Variants in EPHA3 observed in about 807,000 individuals in gnomAD.
The protein encoded by EPHA3 is ephrin type-A receptor 3.
Under a neutral mutation model 107.1 loss-of-function variants are expected in EPHA3, and 42 were observed. The ratio of observed to expected loss-of-function variants is 0.39; its 90% CI spans 0.31 to 0.51. EPHA3 has a LOEUF of 0.51. Ranked by LOEUF, EPHA3 falls within the 20% of genes least tolerant of loss-of-function variation. EPHA3 has a pLI of 0.78. For missense variants in EPHA3, 1,183 were observed against 1,211.2 expected (o/e 0.98, Z 0.35); for synonymous variants, 461 against 424.8 (o/e 1.09, Z -1.05).
intron 5 of EPHA3, among the ~76,000 whole-genome samples, chr3:89,351,074 G>C (rs1707802913): frequency 6.6e-6 from 1 of 151,334 alleles, no homozygotes; most frequent in Non-Finnish European, 1.5e-5. Flanking sequence ...CTTTTTGTTT[G>C]TCTTTGCCCT....
chr3:89,343,942 G>T lies in EPHA3; in HGVS notation c.1306+1852G>T, dbSNP rs538760002. Among the ~76,000 whole-genome samples the T allele has an allele frequency of 7.9e-5, 12 of 152,086 alleles. No homozygotes were observed. In the East Asian group the frequency reaches 2.3e-3, roughly 29 times the overall value. Reference sequence around the variant, plus strand: ...TAGGTTTATTTAACTGTCTTCTATGGGAAAAAATGAGTACTGCAATACTGT... The same window carrying T: ...TAGGTTTATTTAACTGTCTTCTATGTGAAAAAATGAGTACTGCAATACTGT... On this transcript the variant is annotated intron_variant, in intron 5 of 16. Transcript: ENST00000336596.
intron 13 of EPHA3, among the ~76,000 whole-genome samples, chr3:89,447,824 C>T (rs1576383364): frequency 6.6e-6 from 1 of 152,216 alleles, no homozygotes; most frequent in East Asian, 1.9e-4. Context: ...GACAGTCCTG[C>T]ACAACAAGGC....
At chr3:89,153,834 A>AAG (rs1704737919) in intron 2 of EPHA3, among the ~76,000 whole-genome samples, 1 of 152,012 alleles carries the variant, frequency 6.6e-6, no homozygotes, top group Admixed American at 6.6e-5. Flanking sequence ...TAAAAGCCAA[A>AAG]GTCCTCAGAA....
At chr3:89,222,334 T>C (rs868749787) in intron 3 of EPHA3, among the ~76,000 whole-genome samples, 3 of 109,088 alleles carry the variant, frequency 2.8e-5, no homozygotes, top group Non-Finnish European at 6.0e-5. Flanking sequence ...TACATATATA[T>C]ATATATATAT....
chr3:89,271,689 AAGG>A (rs1705672961), intron 3 of EPHA3, among the ~76,000 whole-genome samples: 1 of 152,020 alleles, frequency 6.6e-6, no homozygotes, highest in African/African-American at 2.4e-5. Context: ...GAAACAGAAA[AAGG>A]AGGAGGATGA....
At chr3:89,289,913 T>C (rs1471234043) in intron 3 of EPHA3, among the ~76,000 whole-genome samples, 1 of 152,114 alleles carries the variant, frequency 6.6e-6, no homozygotes, top group African/African-American at 2.4e-5. Context: ...AGTGAAGCCA[T>C]TGTGGGTAAA....
chr3:89,246,331 C>T (rs1705033211), intron 3 of EPHA3, among the ~76,000 whole-genome samples: 1 of 152,182 alleles, frequency 6.6e-6, no homozygotes, highest in Admixed American at 6.5e-5. Flanking sequence ...TAAATAAACA[C>T]TTAGAAATCA....
At chr3:89,240,805 A>AT (rs1434327939) in intron 3 of EPHA3, among the ~76,000 whole-genome samples, 1 of 152,062 alleles carries the variant, frequency 6.6e-6, no homozygotes, top group Non-Finnish European at 1.5e-5. Flanking sequence ...AGCACAACTG[A>AT]TTTAGGTTAT....
chr3:89,166,724 A>G (rs542115096), intron 2 of EPHA3, among the ~76,000 whole-genome samples: 26 of 151,946 alleles, frequency 1.7e-4, no homozygotes, highest in Non-Finnish European at 3.2e-4. Flanking sequence ...CATATCAGAA[A>G]TGTCGTACTC....
intron 15 of EPHA3, among the ~76,000 whole-genome samples, chr3:89,458,977 A>C (rs1346028285): frequency 1.3e-5 from 2 of 152,200 alleles, no homozygotes; most frequent in African/African-American, 4.8e-5. Flanking sequence ...GAGTTGAACA[A>C]TGAGAACGCA....
intron 2 of EPHA3, among the ~76,000 whole-genome samples, chr3:89,182,063 GACCAT>G (rs952719811): frequency 7.3e-5 from 11 of 150,274 alleles, no homozygotes; most frequent in Admixed American, 1.3e-4. Context: ...CTTATTTGAT[GACCAT>G]ACTATCATAA....
chr3:89,289,487 G>A (rs1209148377), intron 3 of EPHA3, among the ~76,000 whole-genome samples: 1 of 152,098 alleles, frequency 6.6e-6, no homozygotes, highest in Admixed American at 6.6e-5. Context: ...GGATCCTGGA[G>A]TAGACAGGCT....
Position 89,356,487 on chromosome 3 carries a change from C to T in EPHA3, c.1306+14397C>T, listed in dbSNP as rs1373982801. On this transcript the variant is annotated intron_variant, in intron 5 of 16. Transcript: ENST00000336596. ...TGTTCCTATTTCTCCACATCCTCTC[C>T]AGCACCTGTTGTTTCCTGACTTTTT... 2.0e-5 allele frequency among the ~76,000 whole-genome samples: 3 copies of T among 151,242 alleles called. No homozygotes were observed. The East Asian group carries it at 5.8e-4, about 29-fold the overall frequency.
intron 3 of EPHA3, among the ~76,000 whole-genome samples, chr3:89,339,754 G>A (rs1321671577): frequency 6.6e-6 from 1 of 152,104 alleles, no homozygotes; most frequent in Non-Finnish European, 1.5e-5. Flanking sequence ...GTTAATATAA[G>A]AAAATTCTAG....
At chr3:89,282,711 T>A (rs974514649) in intron 3 of EPHA3, among the ~76,000 whole-genome samples, 3 of 152,100 alleles carry the variant, frequency 2.0e-5, no homozygotes, top group African/African-American at 7.2e-5. Flanking sequence ...AAAAAGTGAA[T>A]AAATGTGAAA....
chr3:89,258,439 A>C (rs2137489), intron 3 of EPHA3, among the ~76,000 whole-genome samples: 11 of 152,182 alleles, frequency 7.2e-5, no homozygotes, highest in Non-Finnish European at 1.2e-4. Flanking sequence ...CTTATGAGAC[A>C]AATTTCCCTA....
intron 5 of EPHA3, among the ~76,000 whole-genome samples, chr3:89,348,084 G>A (rs1458041261): frequency 6.7e-6 from 1 of 148,944 alleles, no homozygotes; most frequent in African/African-American, 2.5e-5. Context: ...CTCTTTTTTG[G>A]TTGTATCTCT....
intron 3 of EPHA3, among the ~76,000 whole-genome samples, chr3:89,252,379 C>T (rs971908190): frequency 6.6e-6 from 1 of 152,034 alleles, no homozygotes; most frequent in African/African-American, 2.4e-5. Flanking sequence ...GGAGTACGGA[C>T]GTAAAATAGA....
intron 5 of EPHA3, among the ~76,000 whole-genome samples, chr3:89,350,486 C>G (rs1216054524): frequency 6.6e-5 from 10 of 151,204 alleles, no homozygotes; most frequent in Non-Finnish European, 1.0e-4. Context: ...TTAAGCACTT[C>G]TCTGTATTGG....
Sources: gnomAD v4.1 joint callset for allele counts (sites outside exome capture counted in the v4.1 genomes callset) on GRCh38, gnomAD v4.1.1 for gene constraint, MANE v1.5 for transcripts, NCBI Gene and HGNC (gene_info 2026-07-23, HGNC 2026-07-21) for gene names.